The following CRACDL variants were observed in gnomAD, a reference collection of about 807,000 sequenced individuals.
CRACDL encodes the protein CRACD-like protein.
A neutral mutation model predicts 70.6 loss-of-function variants in CRACDL; 26 were observed. The ratio of observed to expected loss-of-function variants is 0.37; its 90% CI spans 0.27 to 0.51. The LOEUF (loss-of-function observed/expected upper bound fraction) is 0.51. Among genes scored for constraint, CRACDL ranks in the 20% least tolerant of loss-of-function variants. CRACDL has a pLI of 0.94. For missense variants in CRACDL, 1,283 were observed against 1,376.9 expected (o/e 0.93, Z 1.08); for synonymous variants, 618 against 615.2 (o/e 1.00, Z -0.07).
intron 7 of CRACDL, among the ~76,000 whole-genome samples, chr2:98,821,371 C>T (rs756744773): frequency 1.6e-4 from 25 of 152,096 alleles, no homozygotes; most frequent in Non-Finnish European, 3.4e-4. Flanking sequence ...GTTTGTAGAA[C>T]GACGTCTCAC....
At chr2:98,880,905 C>T (rs1306693852) in intron 1 of CRACDL, among the ~76,000 whole-genome samples, 3 of 152,238 alleles carry the variant, frequency 2.0e-5, no homozygotes, top group Non-Finnish European at 4.4e-5. Flanking sequence ...CACTTGGCCC[C>T]TCGGCTGCTG....
At chr2:98,811,133 G>T (rs1205208992) in intron 7 of CRACDL, among the ~76,000 whole-genome samples, 2 of 152,130 alleles carry the variant, frequency 1.3e-5, no homozygotes, top group Non-Finnish European at 2.9e-5. Context: ...GATGAATCTG[G>T]TGGTGCGGTT....
chr2:98,901,693 T>C (rs1040524044), intron 1 of CRACDL, among the ~76,000 whole-genome samples: 3 of 152,200 alleles, frequency 2.0e-5, no homozygotes, highest in Admixed American at 1.3e-4. Flanking sequence ...ATTTATACTC[T>C]GGGATAGGGC....
intron 1 of CRACDL, among the ~76,000 whole-genome samples, chr2:98,857,022 C>T (rs1435029221): frequency 6.6e-6 from 1 of 152,180 alleles, no homozygotes; most frequent in East Asian, 1.9e-4. Context: ...CTAGGAGCTC[C>T]TCCAATATGA....
At chr2:98,922,580 G>C (rs1286991999) in intron 1 of CRACDL, among the ~76,000 whole-genome samples, 1 of 152,178 alleles carries the variant, frequency 6.6e-6, no homozygotes, top group Non-Finnish European at 1.5e-5. Context: ...CATGAGCAGC[G>C]CAGGATGCCC....
chr2:98,806,435 G>A (rs1704295155), intron 7 of CRACDL, among the ~76,000 whole-genome samples: 1 of 152,232 alleles, frequency 6.6e-6, no homozygotes, highest in Admixed American at 6.5e-5. Flanking sequence ...CCAGCACTTG[G>A]CATGTCAAGG....
At chr2:98,837,336 A>T (rs1705838722) in intron 3 of CRACDL, among the ~76,000 whole-genome samples, 1 of 151,976 alleles carries the variant, frequency 6.6e-6, no homozygotes, top group Non-Finnish European at 1.5e-5. Flanking sequence ...AAGAGAGGGG[A>T]CAGGACACCA....
chr2:98,812,567 G>T (rs1167364292), intron 7 of CRACDL, among the ~76,000 whole-genome samples: 3 of 152,116 alleles, frequency 2.0e-5, no homozygotes, highest in African/African-American at 7.2e-5. Context: ...TTACGTAATG[G>T]TATCTCATTA....
intron 1 of CRACDL, among the ~76,000 whole-genome samples, chr2:98,898,772 A>G (rs1338905010): frequency 6.6e-6 from 1 of 152,238 alleles, no homozygotes; most frequent in Non-Finnish European, 1.5e-5. Flanking sequence ...AGTGCAACAG[A>G]GCCGCCGCCG....
intron 1 of CRACDL, among the ~76,000 whole-genome samples, chr2:98,916,740 G>A (rs1243521654): frequency 6.6e-6 from 1 of 152,052 alleles, no homozygotes; most frequent in Non-Finnish European, 1.5e-5. Flanking sequence ...ACCCTGGGAA[G>A]AGGAGGTGAA....
At chr2:98,809,767 G>A (rs987726531) in intron 7 of CRACDL, 3 of 152,150 alleles carry the variant, frequency 2.0e-5, no homozygotes, top group Non-Finnish European at 4.4e-5. Flanking sequence ...TTCTCATACA[G>A]CATTCTGTGC....
Position 98,795,074 on chromosome 2 carries a change from TA to T in CRACDL, c.2750-404del, listed in dbSNP as rs1263851990. Among the ~76,000 whole-genome samples, 35 of 53,252 alleles carry T rather than the reference TA, an allele frequency of 6.6e-4. 1 individual carries two copies. Among genetic ancestry groups the T allele is most frequent in the African/African-American group, 1.4e-3 (19 of 13,566 alleles). The allele number at this position is 53,252 out of a possible 152,430, so 34.9% of individuals were successfully genotyped here. ...ATATATATATATATATATATATATA[TA>T]TATTTTTTTTTTTTTTTGAGACAGA... On this transcript the variant is annotated intron_variant, in intron 9 of 9. Coordinates refer to ENST00000397899, the MANE Select transcript of CRACDL (RefSeq NM_207362.3).
At chr2:98,869,238 T>C (rs1707255704) in intron 1 of CRACDL, 1 of 1,287,496 alleles carries the variant, frequency 7.8e-7, no homozygotes, top group Non-Finnish European at 1.0e-6. Flanking sequence ...TGGTTGCTGA[T>C]CAAGAGCCCT....
intron 1 of CRACDL, among the ~76,000 whole-genome samples, chr2:98,891,300 G>A (rs1198615003): frequency 7.0e-6 from 1 of 143,832 alleles, no homozygotes; most frequent in Non-Finnish European, 1.5e-5. Flanking sequence ...TCACTTGAAT[G>A]TCGGAGGCAG....
intron 1 of CRACDL, among the ~76,000 whole-genome samples, chr2:98,902,065 T>G (rs1323784606): frequency 6.6e-6 from 1 of 151,910 alleles, no homozygotes; most frequent in Non-Finnish European, 1.5e-5. Context: ...TGTAAAAAGT[T>G]CCAAAGGTCT....
At chr2:98,904,013 C>T (rs1708346724) in intron 1 of CRACDL, among the ~76,000 whole-genome samples, 1 of 152,124 alleles carries the variant, frequency 6.6e-6, no homozygotes, top group South Asian at 2.1e-4. Flanking sequence ...GGGACACAGC[C>T]TCATGTAAGA....
intron 7 of CRACDL, among the ~76,000 whole-genome samples, chr2:98,821,184 T>C (rs1705011681): frequency 1.3e-5 from 2 of 152,192 alleles, no homozygotes; most frequent in Non-Finnish European, 2.9e-5. Flanking sequence ...TTATTCCTTA[T>C]TTTATCTCTC....
chr2:98,933,933 G>A (rs1218989316), intron 1 of CRACDL, among the ~76,000 whole-genome samples: 1 of 152,132 alleles, frequency 6.6e-6, no homozygotes, highest in Non-Finnish European at 1.5e-5. Context: ...GTGTCTGGTG[G>A]GGGCCCATTC....
chr2:98,856,804 T>C (rs1415039203), intron 1 of CRACDL, among the ~76,000 whole-genome samples: 1 of 152,226 alleles, frequency 6.6e-6, no homozygotes, highest in African/African-American at 2.4e-5. Context: ...CAACCAGGTG[T>C]ACCAGTGTGA....
Sources: gnomAD v4.1 joint callset for allele counts (sites outside exome capture counted in the v4.1 genomes callset) on GRCh38, gnomAD v4.1.1 for gene constraint, MANE v1.5 for transcripts, NCBI Gene and HGNC (gene_info 2026-07-23, HGNC 2026-07-21) for gene names.